FBXL7: variants seen among roughly 807,000 people sequenced by gnomAD.
FBXL7 encodes F-box and leucine rich repeat protein 7.
In FBXL7, 12 loss-of-function variants were observed where a neutral mutation model predicts 38.3. That is an observed-to-expected ratio of 0.31 (90% CI 0.20 to 0.51). The LOEUF is 0.51. FBXL7 is among the 20% of genes least tolerant of loss of function. FBXL7 has a pLI of 0.98. For missense variants in FBXL7, 567 were observed against 676.4 expected (o/e 0.84, Z 1.79); for synonymous variants, 297 against 300.9 (o/e 0.99, Z 0.13).
chr5:15,672,168 C>A (rs190793696), intron 2 of FBXL7, among the ~76,000 whole-genome samples: 332 of 152,292 alleles, frequency 2.2e-3, no homozygotes, highest in Non-Finnish European at 4.1e-3. Context: ...ATGGCACTTA[C>A]TCTCTGTGTC....
At chr5:15,883,482 T>C (rs1740545165) in intron 2 of FBXL7, among the ~76,000 whole-genome samples, 1 of 152,212 alleles carries the variant, frequency 6.6e-6, no homozygotes, top group East Asian at 1.9e-4. Context: ...GTTTTATGCA[T>C]AACAATTTTT....
intron 1 of FBXL7, among the ~76,000 whole-genome samples, chr5:15,599,032 T>C (rs909853916): frequency 6.6e-6 from 1 of 152,182 alleles, no homozygotes; most frequent in Non-Finnish European, 1.5e-5. Context: ...GTAGCTGCCA[T>C]TTATACTTTC....
chr5:15,757,751 G>C (rs1422461402), intron 2 of FBXL7, among the ~76,000 whole-genome samples: 1 of 152,060 alleles, frequency 6.6e-6, no homozygotes, highest in Non-Finnish European at 1.5e-5. Context: ...GATAGAAGTT[G>C]GTTACATATG....
intron 2 of FBXL7, among the ~76,000 whole-genome samples, chr5:15,699,435 G>A (rs756603889): frequency 3.9e-5 from 6 of 152,030 alleles, no homozygotes; most frequent in South Asian, 2.1e-4. Context: ...TCGCCATCCC[G>A]TTGTGCTCCT....
At chr5:15,658,727 G>A (rs889150436) in intron 2 of FBXL7, among the ~76,000 whole-genome samples, 1 of 152,066 alleles carries the variant, frequency 6.6e-6, no homozygotes. Context: ...TGCATGCACC[G>A]GTAATCAGAA....
At chr5:15,911,433 T>C (rs1176114118) in intron 2 of FBXL7, among the ~76,000 whole-genome samples, 1 of 139,942 alleles carries the variant, frequency 7.1e-6, no homozygotes, top group Non-Finnish European at 1.5e-5. Context: ...CTTCTAAATT[T>C]TTTTCAACGT....
intron 2 of FBXL7, among the ~76,000 whole-genome samples, chr5:15,658,476 G>C (rs1433522127): frequency 6.6e-6 from 1 of 152,114 alleles, no homozygotes; most frequent in African/African-American, 2.4e-5. Flanking sequence ...TGGGAGATCT[G>C]ATGGTTTTAT....
At chr5:15,732,711 G>A (rs1241172679) in intron 2 of FBXL7, among the ~76,000 whole-genome samples, 1 of 152,110 alleles carries the variant, frequency 6.6e-6, no homozygotes, top group African/African-American at 2.4e-5. Flanking sequence ...CTCCTATTTG[G>A]AACTACAACT....
intron 2 of FBXL7, among the ~76,000 whole-genome samples, chr5:15,874,075 T>C (rs1290852923): frequency 6.6e-6 from 1 of 152,102 alleles, no homozygotes; most frequent in African/African-American, 2.4e-5. Flanking sequence ...TCCACCACAA[T>C]CAAGTCAGCT....
At chr5:15,755,145 T>C (rs927611148) in intron 2 of FBXL7, among the ~76,000 whole-genome samples, 13 of 152,204 alleles carry the variant, frequency 8.5e-5, no homozygotes, top group Non-Finnish European at 1.5e-5. Flanking sequence ...TACTAGACCA[T>C]TGCCTGAAAA....
At chr5:15,793,140 A>T (rs1737320237) in intron 2 of FBXL7, among the ~76,000 whole-genome samples, 1 of 152,110 alleles carries the variant, frequency 6.6e-6, no homozygotes, top group African/African-American at 2.4e-5. Context: ...CGGTGCCACC[A>T]TGTTGTAGCT....
chr5:15,620,336 G>A (rs543175868), intron 2 of FBXL7, among the ~76,000 whole-genome samples: 120 of 149,110 alleles, frequency 8.0e-4, no homozygotes, highest in Non-Finnish European at 1.5e-3. Context: ...AGGTTCAAGC[G>A]ATTCTCCTGC....
intron 1 of FBXL7, among the ~76,000 whole-genome samples, chr5:15,531,483 C>A (rs1014556748): frequency 2.0e-5 from 3 of 152,112 alleles, no homozygotes; most frequent in Admixed American, 6.5e-5. Context: ...GCTAATAGAA[C>A]CCCTGAGAGA....
At chr5:15,869,376 G>A (rs550583316) in intron 2 of FBXL7, among the ~76,000 whole-genome samples, 7 of 152,236 alleles carry the variant, frequency 4.6e-5, no homozygotes, top group South Asian at 2.1e-4. Context: ...GACAGTCCCC[G>A]TTAACAAACA....
chr5:15,611,476 T>C (rs1007914976), intron 1 of FBXL7, among the ~76,000 whole-genome samples: 1 of 152,116 alleles, frequency 6.6e-6, no homozygotes, highest in Non-Finnish European at 1.5e-5. Context: ...TATAGTTCCA[T>C]TGGCATTGAG....
At chr5:15,598,092 T>C (rs1364224790) in intron 1 of FBXL7, among the ~76,000 whole-genome samples, 1 of 152,182 alleles carries the variant, frequency 6.6e-6, no homozygotes, top group Non-Finnish European at 1.5e-5. Flanking sequence ...GAGTGATTTT[T>C]TAAAAAATGC....
At chr5:15,726,727 T>TAAATAAAA (rs1168041387) in intron 2 of FBXL7, among the ~76,000 whole-genome samples, 9 of 151,326 alleles carry the variant, frequency 5.9e-5, no homozygotes, top group African/African-American at 1.2e-4. Flanking sequence ...AATAAATAAA[T>TAAATAAAA]AAAATGAGCC....
rs138505563 is a variant in FBXL7, at chr5:15,814,264, C to T, written c.128-113626C>T. Among the ~76,000 whole-genome samples the T allele has an allele frequency of 5.1e-3, 776 of 152,246 alleles. 4 individuals carry two copies. The highest frequency in any genetic ancestry group is 0.018 in the African/African-American group (729 of 41,552). ...ATGCAGCCATAAAAAAGGATGAGTTCGTGTCCTTCGCAGGGACATGGATGA... is the reference window on the plus strand; with the variant it reads ...ATGCAGCCATAAAAAAGGATGAGTTTGTGTCCTTCGCAGGGACATGGATGA... On this transcript the variant is annotated intron_variant, in intron 2 of 3. Transcript: ENST00000504595.
At chr5:15,635,537 G>A (rs1741152822) in intron 2 of FBXL7, among the ~76,000 whole-genome samples, 1 of 152,172 alleles carries the variant, frequency 6.6e-6, no homozygotes, top group Non-Finnish European at 1.5e-5. Context: ...GAAAGCTGAT[G>A]TATTTCAGCT....
Sources: allele counts gnomAD v4.1 joint callset (sites outside exome capture counted in the v4.1 genomes callset), GRCh38; gene constraint gnomAD v4.1.1; transcripts MANE v1.5; gene names NCBI Gene and HGNC (gene_info 2026-07-23, HGNC 2026-07-21).